ARID2: variants seen among roughly 807,000 people sequenced by gnomAD.
The protein encoded by ARID2 is AT-rich interaction domain 2, also known as AT-rich interactive domain-containing protein 2.
ARID2 carries 32 observed loss-of-function variants against 184.6 expected under a neutral mutation model. The observed-to-expected ratio is 0.17, with a 90% CI of 0.13 to 0.23. The LOEUF (loss-of-function observed/expected upper bound fraction) is 0.23, where lower values mean the gene tolerates loss of function less well. ARID2 is among the 10% of genes least tolerant of loss of function. The pLI, the probability that ARID2 is intolerant of heterozygous loss-of-function variation, is 1.00. For synonymous variants in ARID2, 836 were observed against 772.6 expected (o/e 1.08, Z -1.36); for missense variants, 1,696 against 2,197.6 (o/e 0.77, Z 4.56).
intron 20 of ARID2, among the ~76,000 whole-genome samples, chr12:45,904,563 C>T (rs12305110): frequency 0.094 from 14,313 of 151,850 alleles, 2,309 homozygotes; most frequent in African/African-American, 0.33. Flanking sequence ...TGGTGGCACA[C>T]GCCTGTTGTC....
intron 16 of ARID2, among the ~76,000 whole-genome samples, chr12:45,875,182 G>A (rs1019261470): frequency 6.6e-6 from 1 of 152,164 alleles, no homozygotes; most frequent in Non-Finnish European, 1.5e-5. Flanking sequence ...TGGATGTTGT[G>A]TTAGCAGCAT....
At chr12:45,889,256 A>T (rs2138228216) in intron 16 of ARID2, among the ~76,000 whole-genome samples, 1 of 152,286 alleles carries the variant, frequency 6.6e-6, no homozygotes, top group South Asian at 2.1e-4. Context: ...TATATCAGTA[A>T]CAGTCCCAGT....
intron 3 of ARID2, among the ~76,000 whole-genome samples, chr12:45,787,363 A>G (rs985365027): frequency 6.6e-6 from 1 of 151,724 alleles, no homozygotes; most frequent in Non-Finnish European, 1.5e-5. Flanking sequence ...GACTGCAAGC[A>G]TGCACCAATA....
chr12:45,811,026 G>A (rs1592091141), intron 3 of ARID2, among the ~76,000 whole-genome samples: 2 of 152,100 alleles, frequency 1.3e-5, no homozygotes, highest in South Asian at 2.1e-4. Flanking sequence ...TAGCTAACAC[G>A]GTGAAACCCC....
chr12:45,762,570 G>GCT (rs1456034176), intron 3 of ARID2, among the ~76,000 whole-genome samples: 3 of 152,284 alleles, frequency 2.0e-5, no homozygotes, highest in African/African-American at 7.2e-5. Flanking sequence ...GCTTTCATGT[G>GCT]CTCTGTGCAT....
rs570809300 is a variant in ARID2, at chr12:45,777,925, G to T, written c.285-33493G>T. Among the ~76,000 whole-genome samples the T allele has an allele frequency of 2.0e-5, 3 of 151,754 alleles. No individual in the cohort carries two copies. In the South Asian group the frequency reaches 6.2e-4, roughly 32 times the overall value. On this transcript the variant is annotated intron_variant, in intron 3 of 20. Coordinates refer to ENST00000334344, the MANE Select transcript of ARID2 (RefSeq NM_152641.4). ...TTACTAATAAGAATGGTTAAAACCG[G>T]CCAGGCCCAGTGGCTCACGCCTGTA...
chr12:45,833,507 T>C (rs1943161123), intron 6 of ARID2, among the ~76,000 whole-genome samples: 1 of 152,190 alleles, frequency 6.6e-6, no homozygotes, highest in African/African-American at 2.4e-5. Flanking sequence ...TTTGTAGGTG[T>C]GGTAATTTTT....
chr12:45,770,110 G>A (rs1470526193), intron 3 of ARID2, among the ~76,000 whole-genome samples: 4 of 152,042 alleles, frequency 2.6e-5, no homozygotes, highest in Non-Finnish European at 5.9e-5. Context: ...AAAAGTAGCC[G>A]GGAGTGGTGG....
chr12:45,761,204 G>A (rs1174406114), intron 3 of ARID2, among the ~76,000 whole-genome samples: 4 of 152,178 alleles, frequency 2.6e-5, no homozygotes, highest in Middle Eastern at 6.8e-3. Context: ...AAGAAGTTTA[G>A]CATACTCTCC....
chr12:45,906,055 G>A lies in ARID2; in HGVS notation c.*977G>A, dbSNP rs1450898771. The stretch of plus-strand genomic sequence containing the variant: ...TTTTTTAGAAGAAAAACTATTTGAA[G>A]GTATTTTTTGGTTTTCCTTAACATG... On this transcript the variant is annotated 3_prime_UTR_variant, in exon 21 of 21. Coordinates refer to ENST00000334344, the MANE Select transcript of ARID2 (RefSeq NM_152641.4). The A allele has an allele frequency of 4.4e-6, 1 of 229,546 alleles. No individual in the cohort carries two copies. Among genetic ancestry groups the A allele is most frequent in the African/African-American group, 2.2e-5 (1 of 44,592 alleles). The allele number at this position is 229,546 out of a possible 1,614,324, so 14.2% of individuals were successfully genotyped here. A position where few individuals can be genotyped will look rare whatever the true frequency, so the allele number is the denominator to read the frequency against.
At chr12:45,784,248 T>A (rs898932787) in intron 3 of ARID2, among the ~76,000 whole-genome samples, 1 of 152,036 alleles carries the variant, frequency 6.6e-6, no homozygotes, top group African/African-American at 2.4e-5. Context: ...CTTGAACACC[T>A]GGCCCCAAGT....
intron 16 of ARID2, among the ~76,000 whole-genome samples, chr12:45,865,522 T>G (rs1943818305): frequency 6.6e-6 from 1 of 152,144 alleles, no homozygotes; most frequent in South Asian, 2.1e-4. Context: ...CAATTAATTT[T>G]TCTGTAAACA....
At chr12:45,749,357 A>C (rs887329877) in intron 3 of ARID2, among the ~76,000 whole-genome samples, 1 of 152,144 alleles carries the variant, frequency 6.6e-6, no homozygotes, top group Non-Finnish European at 1.5e-5. Flanking sequence ...CATTCAGTAA[A>C]CCATGCTGTT....
At chr12:45,757,110 A>G (rs1015766340) in intron 3 of ARID2, among the ~76,000 whole-genome samples, 3 of 152,140 alleles carry the variant, frequency 2.0e-5, no homozygotes, top group Non-Finnish European at 4.4e-5. Flanking sequence ...CTCCTAATGA[A>G]GTATCAAATC....
intron 3 of ARID2, among the ~76,000 whole-genome samples, chr12:45,802,934 G>A (rs1257078152): frequency 1.3e-5 from 2 of 151,912 alleles, no homozygotes; most frequent in African/African-American, 4.8e-5. Context: ...ATCTTACCCC[G>A]TAATCTTCCC....
intron 11 of ARID2, among the ~76,000 whole-genome samples, chr12:45,845,217 T>C (rs1943420297): frequency 1.3e-5 from 2 of 152,200 alleles, no homozygotes; most frequent in Admixed American, 1.3e-4. Context: ...AATTTCAGTC[T>C]AAGTAGGGTA....
chr12:45,833,790 C>CT (rs910326168), intron 6 of ARID2, among the ~76,000 whole-genome samples: 35 of 152,284 alleles, frequency 2.3e-4, no homozygotes, highest in African/African-American at 8.2e-4. Context: ...ATTACAGCCT[C>CT]TTATAATTGT....
chr12:45,796,455 A>G (rs914232328), intron 3 of ARID2, among the ~76,000 whole-genome samples: 1 of 152,140 alleles, frequency 6.6e-6, no homozygotes, highest in Non-Finnish European at 1.5e-5. Context: ...TATGTCATCT[A>G]TATATAAATC....
intron 3 of ARID2, among the ~76,000 whole-genome samples, chr12:45,785,839 TA>T (rs1256373704): frequency 4.6e-5 from 7 of 152,282 alleles, no homozygotes; most frequent in African/African-American, 1.7e-4. Context: ...TTATTACCTT[TA>T]AAATAGAAAT....
Sources: gnomAD v4.1 joint callset for allele counts (sites outside exome capture counted in the v4.1 genomes callset) on GRCh38, gnomAD v4.1.1 for gene constraint, MANE v1.5 for transcripts, NCBI Gene and HGNC (gene_info 2026-07-23, HGNC 2026-07-21) for gene names.